Variants in ACVR1C observed in about 807,000 individuals in gnomAD.
ACVR1C encodes the protein activin A receptor type 1C, also known as activin receptor type-1C.
A neutral mutation model predicts 57.9 loss-of-function variants in ACVR1C; 23 were observed. That is an observed-to-expected ratio of 0.40 (90% CI 0.29 to 0.56). The LOEUF (loss-of-function observed/expected upper bound fraction) is 0.56. Among genes scored for constraint, ACVR1C ranks in the 20% least tolerant of loss-of-function variants. The pLI is 0.50. For synonymous variants in ACVR1C, 214 were observed against 215.3 expected, an observed-to-expected ratio of 0.99 and a Z score of 0.05; for missense variants, 480 against 607.9, an observed-to-expected ratio of 0.79 and a Z score of 2.21.
At chr2:157,627,876 C>G (rs1682931762) in intron 1 of ACVR1C, among the ~76,000 whole-genome samples, 1 of 152,214 alleles carries the variant, frequency 6.6e-6, no homozygotes, top group Admixed American at 6.5e-5. Flanking sequence ...TATAAAGAAA[C>G]GTCTGGCTTC....
chr2:157,566,501 T>G (rs1688384794), intron 2 of ACVR1C, among the ~76,000 whole-genome samples: 1 of 152,096 alleles, frequency 6.6e-6, no homozygotes, highest in African/African-American at 2.4e-5. Flanking sequence ...CCAGTGTGTG[T>G]GCCCACCGTG....
Position 157,556,030 on chromosome 2 carries a change from T to C in ACVR1C, c.544+63A>G, listed in dbSNP as rs13010956. ...TATTTGGGCCCTTTTTGTTAAAAAG[T>C]TTTTATTTACTTTTAAATAAAAGTG... On this transcript the variant is annotated intron_variant, in intron 3 of 8. Transcript: ENST00000243349. 0.43 allele frequency: 648,785 copies of C among 1,522,714 alleles called. 141,801 individuals are homozygous for C. Among genetic ancestry groups the C allele is most frequent in the Non-Finnish European group, 0.46 (518,367 of 1,136,224 alleles). 94.3% of individuals were successfully genotyped at this position (1,522,714 alleles called of 1,614,324 possible). A position where few individuals can be genotyped will look rare whatever the true frequency, so the allele number is the denominator to read the frequency against.
chr2:157,529,194 G>A lies in ACVR1C; in HGVS notation c.*4724C>T, dbSNP rs928902198. On this transcript the variant is annotated 3_prime_UTR_variant, in exon 9 of 9. Coordinates refer to ENST00000243349, the MANE Select transcript of ACVR1C (RefSeq NM_145259.3). ...AAAGAACAGTCCTTACAGAAAGGGT[G>A]GGGGATGTCAGGAAGCTTCTCTAAT... The A allele has an allele frequency of 2.6e-5, 4 of 152,072 alleles. No individual in the cohort carries two copies. Among genetic ancestry groups the A allele is most frequent in the Admixed American group, 6.6e-5 (1 of 15,242 alleles). The allele number at this position is 152,072 out of a possible 1,614,324, so 9.4% of individuals were successfully genotyped here. A position where few individuals can be genotyped will look rare whatever the true frequency, so the allele number is the denominator to read the frequency against.
chr2:157,611,426 G>A (rs1269258048), intron 1 of ACVR1C, among the ~76,000 whole-genome samples: 5 of 152,208 alleles, frequency 3.3e-5, no homozygotes, highest in African/African-American at 1.2e-4. Context: ...GCAGTGGGCT[G>A]AGCATGCCTG....
intron 8 of ACVR1C, among the ~76,000 whole-genome samples, chr2:157,537,565 G>C (rs764191182): frequency 1.3e-5 from 2 of 151,848 alleles, no homozygotes; most frequent in East Asian, 3.8e-4. Context: ...AATTAGAAAA[G>C]GGTTGAGAAA....
At chr2:157,560,608 G>T (rs574206550) in intron 2 of ACVR1C, among the ~76,000 whole-genome samples, 4 of 152,302 alleles carry the variant, frequency 2.6e-5, no homozygotes, top group African/African-American at 9.6e-5. Flanking sequence ...GAACTCAGCT[G>T]CATCAACCAA....
Position 157,556,140 on chromosome 2 carries a change from G to C in ACVR1C, c.497C>G (p.Thr166Ser). ...CACATCATAAATCAGATCTTTCAGAGTTTTTCCAGCATTTACCAGATTGCA... is the reference window on the plus strand; with the variant it reads ...CACATCATAAATCAGATCTTTCAGACTTTTTCCAGCATTTACCAGATTGCA... ...SECNLVNAGK[T>S]LKDLIYDVTA... The change falls in exon 3 of 9, where the codon ACT becomes AGT. Residue 166 changes from threonine (T) to serine (S), a missense_variant. Coordinates refer to ENST00000243349, the MANE Select transcript of ACVR1C (RefSeq NM_145259.3). 1 of 1,614,138 alleles carries C rather than the reference G, an allele frequency of 6.2e-7. No homozygotes were observed. The highest frequency in any genetic ancestry group is 1.1e-5 in the South Asian group (1 of 91,082).
chr2:157,616,782 T>G (rs1302909275), intron 1 of ACVR1C, among the ~76,000 whole-genome samples: 2 of 151,940 alleles, frequency 1.3e-5, no homozygotes, highest in Non-Finnish European at 2.9e-5. Context: ...AAAGGAACAT[T>G]AAGAAAGAAT....
rs1354706341 is a variant in ACVR1C at position 157,527,335 on chromosome 2, C to T, written c.*6583G>A. On this transcript the variant is annotated 3_prime_UTR_variant, in exon 9 of 9. Coordinates refer to ENST00000243349, the MANE Select transcript of ACVR1C (RefSeq NM_145259.3). Reference sequence around the variant, plus strand: ...GGCTGAAAGACAATCTTTTTACATACTTAAGAGTATCAGCTAGCTTACAAA... The same window carrying T: ...GGCTGAAAGACAATCTTTTTACATATTTAAGAGTATCAGCTAGCTTACAAA... The T allele has an allele frequency of 1.3e-5, 2 of 152,126 alleles. No homozygotes were observed. The highest frequency in any genetic ancestry group is 4.8e-5 in the African/African-American group (2 of 41,436). 9.4% of individuals were successfully genotyped at this position (152,126 alleles called of 1,614,324 possible). A position where few individuals can be genotyped will look rare whatever the true frequency, so the allele number is the denominator to read the frequency against.
intron 1 of ACVR1C, among the ~76,000 whole-genome samples, chr2:157,603,538 G>A (rs563891719): frequency 1.3e-5 from 2 of 152,226 alleles, no homozygotes; most frequent in Admixed American, 1.3e-4. Context: ...TAGCCCATAA[G>A]TGTTCTCCTG....
intron 1 of ACVR1C, among the ~76,000 whole-genome samples, chr2:157,613,376 A>G (rs1189944425): frequency 6.6e-6 from 1 of 152,196 alleles, no homozygotes; most frequent in African/African-American, 2.4e-5. Flanking sequence ...ACCTAATGCT[A>G]TATAAATAGT....
intron 7 of ACVR1C, 22 bp from the exon 8 acceptor site, chr2:157,538,725 A>C: frequency 6.9e-7 from 1 of 1,457,016 alleles, no homozygotes; most frequent in South Asian, 1.6e-5. Flanking sequence ...TTGTATAATA[A>C]ATTTCCATGT....
At chr2:157,609,711 T>C (rs903512263) in intron 1 of ACVR1C, among the ~76,000 whole-genome samples, 1 of 152,046 alleles carries the variant, frequency 6.6e-6, no homozygotes, top group African/African-American at 2.4e-5. Flanking sequence ...TATAATAACA[T>C]TCTTTGTCTT....
At chr2:157,550,472 T>A (rs1687888262) in intron 3 of ACVR1C, 80 bp from the exon 4 acceptor site, 1 of 1,316,998 alleles carries the variant, frequency 7.6e-7, no homozygotes. Context: ...TTTCAGATTT[T>A]AAAAAAGCAA....
At chr2:157,563,410 A>T (rs770568125) in intron 2 of ACVR1C, among the ~76,000 whole-genome samples, 7 of 152,222 alleles carry the variant, frequency 4.6e-5, no homozygotes, top group Non-Finnish European at 8.8e-5. Flanking sequence ...ACAGCTAACA[A>T]GGAATGTGAA....
chr2:157,529,747 G>A lies in ACVR1C; in HGVS notation c.*4171C>T, dbSNP rs1228345603. On this transcript the variant is annotated 3_prime_UTR_variant, in exon 9 of 9. Coordinates refer to ENST00000243349, the MANE Select transcript of ACVR1C (RefSeq NM_145259.3). ...ACTAATGATAATGTTGAAAGATAGTGAGGGAATATTAAGAAAAAAAGTGAG... is the reference window on the plus strand; with the variant it reads ...ACTAATGATAATGTTGAAAGATAGTAAGGGAATATTAAGAAAAAAAGTGAG... 1 of 151,844 alleles carries A rather than the reference G, an allele frequency of 6.6e-6. No individual in the cohort carries two copies. The highest frequency in any genetic ancestry group is 1.5e-5 in the Non-Finnish European group (1 of 67,922). The allele number at this position is 151,844 out of a possible 1,614,324, so 9.4% of individuals were successfully genotyped here.
intron 6 of ACVR1C, among the ~76,000 whole-genome samples, chr2:157,542,450 C>T (rs1243482563): frequency 6.6e-6 from 1 of 152,156 alleles, no homozygotes; most frequent in African/African-American, 2.4e-5. Flanking sequence ...AAATAATACA[C>T]TACTATCTCT....
chr2:157,549,453 T>C (rs751863862), intron 4 of ACVR1C, among the ~76,000 whole-genome samples: 2 of 152,116 alleles, frequency 1.3e-5, no homozygotes, highest in Non-Finnish European at 1.5e-5. Context: ...CAGCAACTAA[T>C]GGGTAAAACT....
chr2:157,619,695 C>G (rs866235364), intron 1 of ACVR1C, among the ~76,000 whole-genome samples: 1 of 151,718 alleles, frequency 6.6e-6, no homozygotes, highest in Non-Finnish European at 1.5e-5. Context: ...GCTAAAGAAC[C>G]TGGAATAAAA....
Sources: allele counts gnomAD v4.1 joint callset (sites outside exome capture counted in the v4.1 genomes callset), GRCh38; gene constraint gnomAD v4.1.1; transcripts MANE v1.5; gene names NCBI Gene and HGNC (gene_info 2026-07-23, HGNC 2026-07-21).